Variants in TP53BP2 observed in about 807,000 individuals in gnomAD.
The protein encoded by TP53BP2 is apoptosis-stimulating of p53 protein 2.
A neutral mutation model predicts 126.2 loss-of-function variants in TP53BP2; 62 were observed. The observed-to-expected ratio is 0.49, with a 90% CI of 0.40 to 0.61. The LOEUF is 0.61. Among genes scored for constraint, TP53BP2 ranks in the 20% least tolerant of loss-of-function variants. The pLI is 0.00. For missense variants in TP53BP2, 1,215 were observed against 1,402.8 expected, an observed-to-expected ratio of 0.87 and a Z score of 2.14; for synonymous variants, 485 against 502.9, an observed-to-expected ratio of 0.96 and a Z score of 0.48.
intron 1 of TP53BP2, among the ~76,000 whole-genome samples, chr1:223,826,722 C>T (rs890941444): frequency 3.6e-4 from 55 of 152,134 alleles, no homozygotes; most frequent in African/African-American, 1.3e-3. Flanking sequence ...TAAGAGGTTA[C>T]TGGAGGATTT....
Position 223,795,926 on chromosome 1 carries a change from C to G in TP53BP2, c.2613G>C (p.Glu871Asp). The G allele has an allele frequency of 6.2e-7, 1 of 1,614,012 alleles. No individual in the cohort carries two copies. The highest frequency in any genetic ancestry group is 8.5e-7 in the Non-Finnish European group (1 of 1,179,974). The change falls in exon 13 of 18, where the codon GAG (glutamate) becomes GAC (aspartate). Residue 871 changes from glutamate to aspartate, a missense_variant. By Grantham distance (45) the Glu-to-Asp change is conservative (BLOSUM62 2). Coordinates refer to ENST00000343537, the MANE Select transcript of TP53BP2 (RefSeq NM_001031685.3). ...APHVLDVYLE[E>D]YPPYPPPPYP... ...ATGGTGGGGGTGGGTATGGAGGGTACTCCTCCAGGTACACATCAAGCACAT... is the reference window on the plus strand; with the variant it reads ...ATGGTGGGGGTGGGTATGGAGGGTAGTCCTCCAGGTACACATCAAGCACAT...
rs1185917820 is a variant in TP53BP2, at chr1:223,796,178, T to C, written c.2361A>G (p.Ser787=). ...PSKSASVTAS[S]ESPVEIQNPY... is the part of the protein sequence containing the mutation. ...GATTCTGGATTTCTACTGGGCTTTC[T>C]GAGCTGGCAGTCACAGAAGCTGACT... The change falls in exon 13 of 18, where the codon TCA becomes TCG. Residue 787 remains serine, a synonymous_variant. Transcript: ENST00000343537. The surrounding 1 kb of genome is among the most constrained non-coding windows in gnomAD (Gnocchi z 4.2). 2 of 1,614,208 alleles carry C rather than the reference T, an allele frequency of 1.2e-6. No individual in the cohort carries two copies. Among genetic ancestry groups the C allele is most frequent in the Non-Finnish European group, 1.7e-6 (2 of 1,180,036 alleles).
At chr1:223,823,522 A>C (rs1558105850) in intron 1 of TP53BP2, among the ~76,000 whole-genome samples, 1 of 152,204 alleles carries the variant, frequency 6.6e-6, no homozygotes, top group Non-Finnish European at 1.5e-5. Context: ...ATAAAAAAAC[A>C]CTGTAGACTT....
At chr1:223,831,253 G>C (rs996196446) in intron 1 of TP53BP2, among the ~76,000 whole-genome samples, 1 of 148,698 alleles carries the variant, frequency 6.7e-6, no homozygotes, top group Non-Finnish European at 1.5e-5. Flanking sequence ...AAATAGCTCG[G>C]TGTGGTAGCA....
intron 1 of TP53BP2, among the ~76,000 whole-genome samples, chr1:223,821,749 T>C (rs1663318963): frequency 6.6e-6 from 1 of 152,252 alleles, no homozygotes; most frequent in Admixed American, 6.5e-5. Flanking sequence ...TACTTATTTA[T>C]GCACAGTCTC....
intron 1 of TP53BP2, among the ~76,000 whole-genome samples, chr1:223,831,778 ACT>A (rs2102884348): frequency 6.8e-6 from 1 of 147,196 alleles, no homozygotes; most frequent in East Asian, 2.0e-4. Flanking sequence ...AAAAAAAAAC[ACT>A]GTGTTAAGTT....
intron 1 of TP53BP2, among the ~76,000 whole-genome samples, chr1:223,844,395 T>A (rs963413837): frequency 3.9e-5 from 6 of 152,136 alleles, no homozygotes; most frequent in African/African-American, 1.4e-4. Flanking sequence ...TAGGAAAAAT[T>A]CACAGACAAT....
intron 2 of TP53BP2, among the ~76,000 whole-genome samples, chr1:223,815,741 G>A (rs897754204): frequency 6.6e-6 from 1 of 151,864 alleles, no homozygotes; most frequent in African/African-American, 2.4e-5. Context: ...TGCACTGCAT[G>A]TTGACAGTGG....
At chr1:223,838,568 A>G (rs1296640483) in intron 1 of TP53BP2, among the ~76,000 whole-genome samples, 1 of 152,222 alleles carries the variant, frequency 6.6e-6, no homozygotes, top group Non-Finnish European at 1.5e-5. Flanking sequence ...GTCACTGGTC[A>G]TCTCACAGCA....
chr1:223,802,762 T>G lies in TP53BP2; in HGVS notation c.965A>C (p.Lys322Thr), dbSNP rs536474172. 1 of 1,614,176 alleles carries G rather than the reference T, an allele frequency of 6.2e-7. No homozygotes were observed. The highest frequency in any genetic ancestry group is 8.5e-7 in the Non-Finnish European group (1 of 1,180,012). Residue 322 changes from lysine (K) to threonine (T), a missense_variant, in exon 8 of 18, where the codon AAG becomes ACG. Physicochemically the swap from Lys to Thr is moderately conservative, Grantham distance 78 (BLOSUM62 -1). Around this residue, in one of 4 missense-constraint regions of TP53BP2, gnomAD observed 814 missense variants for 853.0 expected, o/e 0.95. Coordinates refer to ENST00000343537, the MANE Select transcript of TP53BP2 (RefSeq NM_001031685.3). ...NELRDRLWKK[K>T]AALQQKENLP... is the part of the protein sequence containing the mutation. ...ATTTTCTTTTTGCTGTAGAGCTGCC[T>G]TCTTCTTCCACAGCCGGTCCCTCAG...
At position 223,796,604 on chromosome 1, in the gene TP53BP2, G is replaced by GA. The variant is rs28364803; in HGVS notation, c.1949-15dup. Reference sequence around the variant, plus strand: ...GCTTACCATATACTAATTGGAAAAGGAAAAAAAAAAGCCCTCATTAGCATT... The same window carrying GA: ...GCTTACCATATACTAATTGGAAAAGGAAAAAAAAAAAGCCCTCATTAGCATT... On this transcript the variant is annotated splice_polypyrimidine_tract_variant and intron_variant, in intron 12 of 17. Transcript: ENST00000343537. This position sits in a 1 kb window ranked among gnomAD's most constrained non-coding sequence, Gnocchi z 4.2. 128,533 of 1,399,552 alleles carry GA rather than the reference G, an allele frequency of 0.092. 5,378 individuals carry two copies. The highest frequency in any genetic ancestry group is 0.36 in the African/African-American group (24,563 of 67,774). The allele number at this position is 1,399,552 out of a possible 1,614,324, so 86.7% of individuals were successfully genotyped here. A position where few individuals can be genotyped will look rare whatever the true frequency, so the allele number is the denominator to read the frequency against.
chr1:223,838,768 AG>A lies in TP53BP2; in HGVS notation c.27+6885del, dbSNP rs144810995. On this transcript the variant is annotated intron_variant, in intron 1 of 17. Coordinates refer to ENST00000343537, the MANE Select transcript of TP53BP2 (RefSeq NM_001031685.3). Reference sequence around the variant, plus strand: ...GTATTTACAGATATCATCTCAGGAAAGACTACTCAACACCCCTCATACAAAA... The same window carrying A: ...GTATTTACAGATATCATCTCAGGAAAACTACTCAACACCCCTCATACAAAA... Among the ~76,000 whole-genome samples the A allele has an allele frequency of 2.8e-3, 419 of 152,350 alleles. 2 individuals are homozygous for A. The highest frequency in any genetic ancestry group is 9.7e-3 in the African/African-American group (403 of 41,578).
chr1:223,834,371 T>A (rs1982610), intron 1 of TP53BP2, among the ~76,000 whole-genome samples: 21,019 of 152,104 alleles, frequency 0.14, 2,041 homozygotes, highest in African/African-American at 0.26. Context: ...ACCACTGCAT[T>A]AGAGGGTTTT....
chr1:223,780,781 G>T lies in TP53BP2; in HGVS notation c.*72C>A. The T allele has an allele frequency of 6.7e-7, 1 of 1,495,402 alleles. No individual in the cohort carries two copies. Among genetic ancestry groups the T allele is most frequent in the Non-Finnish European group, 9.2e-7 (1 of 1,090,540 alleles). The allele number at this position is 1,495,402 out of a possible 1,614,324, so 92.6% of individuals were successfully genotyped here. On this transcript the variant is annotated 3_prime_UTR_variant, in exon 18 of 18. Coordinates refer to ENST00000343537, the MANE Select transcript of TP53BP2 (RefSeq NM_001031685.3). ...TTAAAATAAGTCTTGTGAAATTTTT[G>T]CCAAAAATAATCGTATTACTTCTTC...
chr1:223,782,934 A>G (rs1375058721), intron 17 of TP53BP2, among the ~76,000 whole-genome samples: 1 of 152,176 alleles, frequency 6.6e-6, no homozygotes, highest in Non-Finnish European at 1.5e-5. Flanking sequence ...CAAGGTGTAT[A>G]AGTCATTTAC....
intron 15 of TP53BP2, 69 bp downstream of exon 15, chr1:223,792,320 A>G: frequency 6.6e-7 from 1 of 1,518,576 alleles, no homozygotes; most frequent in African/African-American, 1.4e-5. Context: ...TTCCAACAGC[A>G]CTATGACAAC....
At chr1:223,814,802 C>A (rs1363517680) in intron 2 of TP53BP2, among the ~76,000 whole-genome samples, 1 of 151,890 alleles carries the variant, frequency 6.6e-6, no homozygotes, top group African/African-American at 2.4e-5. Context: ...GTTTTCAATA[C>A]AGGCTATTTT....
rs34683843 is a variant in TP53BP2, at chr1:223,803,417, G to T, written c.685C>A (p.Gln229Lys). 131,289 of 1,613,248 alleles carry T rather than the reference G, an allele frequency of 0.081. 5,962 individuals carry two copies. The highest frequency in any genetic ancestry group is 0.092 in the Non-Finnish European group (108,952 of 1,179,578). The change falls in exon 7 of 18, where the codon CAA becomes AAA. Residue 229 changes from glutamine to lysine, a missense_variant. Physicochemically the swap from Gln to Lys is moderately conservative, Grantham distance 53 (BLOSUM62 1). Transcript: ENST00000343537. ...EIEQMNNLFQ[Q>K]KQRELVLAVS... is the part of the protein sequence containing the mutation. ...GCCAGGACGAGCTCCCTCTGTTTTT[G>T]CTGGAACAAATTATTCATCTGTTCA...
intron 1 of TP53BP2, among the ~76,000 whole-genome samples, chr1:223,837,924 C>T (rs1319659509): frequency 2.0e-5 from 3 of 151,826 alleles, no homozygotes; most frequent in Admixed American, 6.6e-5. Context: ...CCCTGCCCCG[C>T]CCCCGCCGCC....
Sources: allele counts gnomAD v4.1 joint callset (sites outside exome capture counted in the v4.1 genomes callset), GRCh38; gene constraint gnomAD v4.1.1; regional missense constraint gnomAD v4.1.1; non-coding constraint Gnocchi (gnomAD v3.1); transcripts MANE v1.5; gene names NCBI Gene and HGNC (gene_info 2026-07-23, HGNC 2026-07-21).